Variants in RASSF5 observed in about 807,000 individuals in gnomAD.
RASSF5 encodes the protein ras association domain-containing protein 5.
RASSF5 carries 25 observed loss-of-function variants against 40.5 expected under a neutral mutation model. That is an observed-to-expected ratio of 0.62 (90% CI 0.45 to 0.86). The LOEUF (loss-of-function observed/expected upper bound fraction) is 0.86, where lower values mean the gene tolerates loss of function less well. Among genes scored for constraint, RASSF5 ranks in the 40% least tolerant of loss-of-function variants. The probability of loss-of-function intolerance (pLI) is 0.00; values close to 1 mark genes in which losing one functional copy is unlikely to be tolerated. For missense variants in RASSF5, 521 were observed against 572.8 expected, an observed-to-expected ratio of 0.91 and a Z score of 0.92; for synonymous variants, 246 against 252.4, an observed-to-expected ratio of 0.97 and a Z score of 0.24.
At chr1:206,565,321 C>G (rs574787747) in intron 2 of RASSF5, among the ~76,000 whole-genome samples, 2 of 152,300 alleles carry the variant, frequency 1.3e-5, no homozygotes, top group South Asian at 4.1e-4. Flanking sequence ...TGTGTTTTCC[C>G]CTCTGTGTAT....
chr1:206,543,216 T>G (rs1667587523), intron 2 of RASSF5: 1 of 88,844 alleles, frequency 1.1e-5, no homozygotes, highest in African/African-American at 6.5e-5. Context: ...GAGTGAGACC[T>G]TGACTAAAAA....
rs1669026981 is a variant in RASSF5, at chr1:206,584,524, G to A, written c.828G>A (p.Lys276=). ...KEVNLAATTD[K]RTSFYLPLDA... ...TGAACCTGGCGGCTACCACGGACAA[G>A]CGGACATCCTTCTACCTGCCCCTAG... The change falls in exon 4 of 6, where the codon AAG becomes AAA. Residue 276 remains lysine, a synonymous_variant. Transcript: ENST00000579436. The surrounding 1 kb of genome is among the most constrained non-coding windows in gnomAD (Gnocchi z 4.9). 2 of 1,614,032 alleles carry A rather than the reference G, an allele frequency of 1.2e-6. No homozygotes were observed. Among genetic ancestry groups the A allele is most frequent in the African/African-American group, 1.3e-5 (1 of 74,914 alleles).
chr1:206,582,878 C>T (rs1668948193), intron 2 of RASSF5, among the ~76,000 whole-genome samples: 2 of 152,172 alleles, frequency 1.3e-5, no homozygotes, highest in Admixed American at 1.3e-4. Context: ...TTGCATCTCC[C>T]ATAGCATCAA....
At chr1:206,521,244 C>T (rs1666897028) in intron 1 of RASSF5, among the ~76,000 whole-genome samples, 1 of 152,190 alleles carries the variant, frequency 6.6e-6, no homozygotes, top group African/African-American at 2.4e-5. Flanking sequence ...AGCGATGCAG[C>T]TGTAAAGAAA....
intron 2 of RASSF5, among the ~76,000 whole-genome samples, chr1:206,565,044 T>A (rs1553403171): frequency 6.6e-6 from 1 of 152,180 alleles, no homozygotes; most frequent in Non-Finnish European, 1.5e-5. Context: ...TGGCATTTTC[T>A]ACAGCTTCCT....
chr1:206,522,531 C>T (rs782639706), intron 1 of RASSF5, among the ~76,000 whole-genome samples: 4 of 152,248 alleles, frequency 2.6e-5, no homozygotes, highest in South Asian at 2.1e-4. Context: ...TTGGCTTGCT[C>T]GCCCCAGCAC....
chr1:206,584,467 G>A lies in RASSF5; in HGVS notation c.771G>A (p.Arg257=). Residue 257 remains arginine, a synonymous_variant, in exon 4 of 6, where the codon CGG becomes CGA. Transcript: ENST00000579436. The surrounding 1 kb of genome is among the most constrained non-coding windows in gnomAD (Gnocchi z 4.9). The part of the protein sequence containing the change: ...RRPVTVPAGI[R]PQSIYDAIKE... ...CTGTGACGGTGCCTGCTGGGATCCGGCCCCAGTCCATCTATGATGCCATCA... is the reference window on the plus strand; with the variant it reads ...CTGTGACGGTGCCTGCTGGGATCCGACCCCAGTCCATCTATGATGCCATCA... The A allele has an allele frequency of 6.2e-7, 1 of 1,614,130 alleles. No individual in the cohort carries two copies. Among genetic ancestry groups the A allele is most frequent in the South Asian group, 1.1e-5 (1 of 91,080 alleles).
chr1:206,527,629 G>A (rs782147759), intron 1 of RASSF5, among the ~76,000 whole-genome samples: 4 of 152,180 alleles, frequency 2.6e-5, no homozygotes, highest in Non-Finnish European at 4.4e-5. Context: ...GCTTGGAGGA[G>A]AGCTGTGAAG....
In RASSF5 at chr1:206,584,809, G is replaced by T. The variant is rs982971758; in HGVS notation, c.988+125G>T. ...TCTCCTGAGCACCAGGGGTCCAGCT[G>T]CCCATGTGGTGTTCAGATCTGTGGA... On this transcript the variant is annotated intron_variant, in intron 4 of 5. Transcript: ENST00000579436. The surrounding 1 kb of genome is among the most constrained non-coding windows in gnomAD (Gnocchi z 4.9). The T allele has an allele frequency of 2.1e-5, 21 of 996,988 alleles. No individual in the cohort carries two copies. Among genetic ancestry groups the T allele is most frequent in the Non-Finnish European group, 3.1e-5 (21 of 668,832 alleles). The allele number at this position is 996,988 out of a possible 1,614,324, so 61.8% of individuals were successfully genotyped here.
rs1553407755 is a variant in RASSF5 at position 206,586,833 on chromosome 1, C to T, written c.1112C>T (p.Ala371Val). The change falls in exon 6 of 6, where the codon GCC becomes GTC. Residue 371 changes from alanine (A) to valine (V), a missense_variant. By Grantham distance (64) the Ala-to-Val change is moderately conservative (BLOSUM62 0). This residue lies in a region of RASSF5 where 284 missense variants were observed against 360.8 expected (regional missense o/e 0.79). Transcript: ENST00000579436. ...ENETGEVEWD[A>V]FSIPELQNFL... ...CTCCCTCTCGCCTCACAGTGGGATG[C>T]CTTCTCCATCCCTGAACTTCAGAAC... 6 of 1,612,352 alleles carry T rather than the reference C, an allele frequency of 3.7e-6. No homozygotes were observed. The highest frequency in any genetic ancestry group is 1.7e-4 in the Middle Eastern group (1 of 6,060).
At chr1:206,516,446 C>A (rs1406473818) in intron 1 of RASSF5, among the ~76,000 whole-genome samples, 1 of 152,124 alleles carries the variant, frequency 6.6e-6, no homozygotes, top group South Asian at 2.1e-4. Flanking sequence ...AAGGGATTTC[C>A]CCGCATTACA....
At chr1:206,550,369 G>A (rs1241267896) in intron 2 of RASSF5, among the ~76,000 whole-genome samples, 1 of 152,152 alleles carries the variant, frequency 6.6e-6, no homozygotes, top group Non-Finnish European at 1.5e-5. Flanking sequence ...TTACGCATTG[G>A]GTAAATGCCT....
At chr1:206,554,625 T>C (rs1267973405) in intron 2 of RASSF5, among the ~76,000 whole-genome samples, 1 of 152,174 alleles carries the variant, frequency 6.6e-6, no homozygotes, top group Non-Finnish European at 1.5e-5. Context: ...CCTTAAAGGC[T>C]CTTGCTCAGA....
At chr1:206,514,372 G>A (rs1553395114) in intron 1 of RASSF5, among the ~76,000 whole-genome samples, 1 of 152,234 alleles carries the variant, frequency 6.6e-6, no homozygotes, top group Admixed American at 6.5e-5. Context: ...AGGGATCGGG[G>A]GGAATGCAAG....
chr1:206,536,479 C>T (rs1667414745), intron 1 of RASSF5, among the ~76,000 whole-genome samples: 1 of 151,720 alleles, frequency 6.6e-6, no homozygotes, highest in Non-Finnish European at 1.5e-5. Flanking sequence ...ACATTAGTGG[C>T]AAAACCCGTG....
At chr1:206,558,556 C>A (rs1346577566) in intron 2 of RASSF5, among the ~76,000 whole-genome samples, 3 of 152,160 alleles carry the variant, frequency 2.0e-5, no homozygotes, top group Non-Finnish European at 4.4e-5. Context: ...GTGTGGCAGG[C>A]TCATCATTAA....
intron 1 of RASSF5, among the ~76,000 whole-genome samples, chr1:206,536,881 C>G (rs957766959): frequency 6.6e-6 from 1 of 152,070 alleles, no homozygotes; most frequent in African/African-American, 2.4e-5. Context: ...GCCTTCTGGC[C>G]GAGCTGAGGC....
intron 2 of RASSF5, among the ~76,000 whole-genome samples, chr1:206,568,514 G>A (rs1439802060): frequency 6.6e-6 from 1 of 152,162 alleles, no homozygotes; most frequent in Non-Finnish European, 1.5e-5. Context: ...GGTATGCGGG[G>A]TGCTGGGTAC....
intron 2 of RASSF5, among the ~76,000 whole-genome samples, chr1:206,551,927 G>A (rs1251988942): frequency 2.6e-5 from 4 of 152,250 alleles, no homozygotes; most frequent in South Asian, 2.1e-4. Flanking sequence ...TCAGGGAGAC[G>A]GCTGTTGATC....
Sources: gnomAD v4.1 joint callset for allele counts (sites outside exome capture counted in the v4.1 genomes callset) on GRCh38, gnomAD v4.1.1 for gene constraint, gnomAD v4.1.1 regional missense constraint, Gnocchi (gnomAD v3.1) non-coding constraint, MANE v1.5 for transcripts, NCBI Gene and HGNC (gene_info 2026-07-23, HGNC 2026-07-21) for gene names.